The following PDE1A variants were observed in gnomAD, a reference collection of about 807,000 sequenced individuals.
PDE1A encodes the protein dual specificity calcium/calmodulin-dependent 3',5'-cyclic nucleotide phosphodiesterase 1A.
PDE1A carries 35 observed loss-of-function variants against 61.7 expected under a neutral mutation model. The observed-to-expected ratio is 0.57, with a 90% CI of 0.43 to 0.75. PDE1A has a LOEUF of 0.75. Ranked by LOEUF, PDE1A falls within the 30% of genes least tolerant of loss-of-function variation. PDE1A has a pLI of 0.00. For synonymous variants in PDE1A, 232 were observed against 213.2 expected (o/e 1.09, Z -0.77); for missense variants, 597 against 630.6 (o/e 0.95, Z 0.57).
the PDE1A span, among the ~76,000 whole-genome samples, chr2:182,582,558 G>T: frequency 6.6e-6 from 1 of 152,316 alleles, no homozygotes; most frequent in African/African-American, 2.4e-5. Flanking sequence ...TCTCAAGAAT[G>T]AGTAAGGATA....
At chr2:182,618,448 A>T in the PDE1A span, among the ~76,000 whole-genome samples, 1 of 152,192 alleles carries the variant, frequency 6.6e-6, no homozygotes, top group East Asian at 1.9e-4. Context: ...TTTTGGTTCA[A>T]AGTGGAGGTG....
chr2:182,318,548 G>A (rs909310277), intron 1 of PDE1A, among the ~76,000 whole-genome samples: 3 of 152,212 alleles, frequency 2.0e-5, no homozygotes, highest in East Asian at 1.9e-4. Flanking sequence ...CTGTTTTGCC[G>A]AAAATTAAAT....
chr2:182,493,489 T>C (rs1030623817), intron 2 of PDE1A, among the ~76,000 whole-genome samples: 3 of 152,140 alleles, frequency 2.0e-5, no homozygotes, highest in Non-Finnish European at 4.4e-5. Flanking sequence ...TATCCAAGTG[T>C]TCTCATTGTT....
intron 13 of PDE1A, among the ~76,000 whole-genome samples, chr2:182,183,060 A>G (rs1275151905): frequency 1.3e-5 from 2 of 152,154 alleles, no homozygotes; most frequent in Non-Finnish European, 2.9e-5. Flanking sequence ...TCTAGAACAC[A>G]TGGCAGAAAC....
intron 2 of PDE1A, among the ~76,000 whole-genome samples, chr2:182,498,805 G>A (rs777806438): frequency 1.4e-4 from 22 of 151,982 alleles, no homozygotes; most frequent in Admixed American, 3.9e-4. Flanking sequence ...TTAGCCGGAC[G>A]CGGTGGCGGG....
At chr2:182,317,673 G>A (rs112024343) in intron 1 of PDE1A, among the ~76,000 whole-genome samples, 2,406 of 152,260 alleles carry the variant, frequency 0.016, 33 homozygotes, top group South Asian at 0.067. Flanking sequence ...ATGTGGACCA[G>A]AAAGTTTTAC....
At chr2:182,605,898 CAT>C in the PDE1A span, among the ~76,000 whole-genome samples, 1 of 152,172 alleles carries the variant, frequency 6.6e-6, no homozygotes, top group Non-Finnish European at 1.5e-5. Flanking sequence ...CACACCTGCA[CAT>C]ACACACACCA....
the PDE1A span, among the ~76,000 whole-genome samples, chr2:182,679,489 C>A: frequency 6.6e-6 from 1 of 151,706 alleles, no homozygotes; most frequent in East Asian, 1.9e-4. Flanking sequence ...GCGTGAGCCA[C>A]CGCACCGGGC....
chr2:182,348,373 C>T (rs1698648365), intron 1 of PDE1A, among the ~76,000 whole-genome samples: 1 of 151,994 alleles, frequency 6.6e-6, no homozygotes, highest in African/African-American at 2.4e-5. Context: ...GTGAATGGGG[C>T]CATTGAACAT....
Position 182,260,372 on chromosome 2 carries a change from A to G in PDE1A, c.167+3929T>C, listed in dbSNP as rs140021349. On this transcript the variant is annotated intron_variant, in intron 2 of 13. Coordinates refer to ENST00000351439, the Ensembl canonical transcript of PDE1A. ...TCTTGGACCTGACTCCTTTTACATA[A>G]TCTCTGTTTTACTGATAGTTTTAAG... 5.6e-3 allele frequency among the ~76,000 whole-genome samples: 846 copies of G among 152,266 alleles called. 9 individuals carry two copies. The highest frequency in any genetic ancestry group is 0.041 in the South Asian group (196 of 4,830).
At chr2:182,544,862 CAT>C in the PDE1A span, among the ~76,000 whole-genome samples, 2 of 151,976 alleles carry the variant, frequency 1.3e-5, no homozygotes, top group Admixed American at 1.3e-4. Flanking sequence ...ATCTCCTTCT[CAT>C]GTGGTGGAAA....
intron 1 of PDE1A, among the ~76,000 whole-genome samples, chr2:182,425,284 C>A (rs1703542565): frequency 6.6e-6 from 1 of 152,090 alleles, no homozygotes; most frequent in African/African-American, 2.4e-5. Context: ...AACTATCATA[C>A]CTTTTTGAAG....
chr2:182,589,344 A>G, the PDE1A span, among the ~76,000 whole-genome samples: 1 of 151,678 alleles, frequency 6.6e-6, no homozygotes, highest in Non-Finnish European at 1.5e-5. Context: ...CATAGAAGCT[A>G]CAGTGTGACA....
chr2:182,693,637 C>CTTTTTTTTTTTTTTTTTTTTTTT, the PDE1A span, among the ~76,000 whole-genome samples: 2 of 123,428 alleles, frequency 1.6e-5, 1 homozygote. Context: ...TGATAGTGTT[C>CTTTTTTTTTTTTTTTTTTTTTTT]TTTTTTTTTT....
chr2:182,242,610 A>G (rs1343354445), intron 2 of PDE1A, among the ~76,000 whole-genome samples: 1 of 152,236 alleles, frequency 6.6e-6, no homozygotes, highest in Non-Finnish European at 1.5e-5. Flanking sequence ...CATTTAAATC[A>G]GTAGACTTTG....
At chr2:182,264,642 G>A (rs886825914) in intron 1 of PDE1A, among the ~76,000 whole-genome samples, 1 of 151,390 alleles carries the variant, frequency 6.6e-6, no homozygotes, top group Non-Finnish European at 1.5e-5. Flanking sequence ...AGGAGTATGG[G>A]TAGCTAGTTT....
chr2:182,152,232 T>C (rs1254918528), intron 13 of PDE1A, among the ~76,000 whole-genome samples: 1 of 152,112 alleles, frequency 6.6e-6, no homozygotes, highest in Non-Finnish European at 1.5e-5. Flanking sequence ...TGCAGATAAC[T>C]AGAATAAATT....
At chr2:182,386,016 C>T (rs560889426) in intron 1 of PDE1A, among the ~76,000 whole-genome samples, 23 of 152,304 alleles carry the variant, frequency 1.5e-4, no homozygotes, top group South Asian at 4.1e-4. Flanking sequence ...TGTGCCGCCA[C>T]GCCTGACTGT....
chr2:182,625,654 G>A, the PDE1A span, among the ~76,000 whole-genome samples: 1 of 152,180 alleles, frequency 6.6e-6, no homozygotes, highest in Non-Finnish European at 1.5e-5. Context: ...CAGGTTTCAT[G>A]TGGGAATAGA....
Sources: gnomAD v4.1 joint callset for allele counts (sites outside exome capture counted in the v4.1 genomes callset) on GRCh38, gnomAD v4.1.1 for gene constraint, MANE v1.5 for transcripts, NCBI Gene and HGNC (gene_info 2026-07-23, HGNC 2026-07-21) for gene names.